The following C10orf90 variants were observed in gnomAD, a reference collection of about 807,000 sequenced individuals.
C10orf90 encodes the protein chromosome 10 open reading frame 90, also known as (E2-independent) E3 ubiquitin-conjugating enzyme FATS.
A neutral mutation model predicts 62.5 loss-of-function variants in C10orf90; 56 were observed. That is an observed-to-expected ratio of 0.90 (90% CI 0.72 to 1.12). The LOEUF (loss-of-function observed/expected upper bound fraction) is 1.12. C10orf90 is among the 50% of genes most tolerant of loss of function. The pLI, the probability that C10orf90 is intolerant of heterozygous loss-of-function variation, is 0.00. For missense variants in C10orf90, 970 were observed against 880.4 expected, an observed-to-expected ratio of 1.10 and a Z score of -1.29; for synonymous variants, 386 against 340.4, an observed-to-expected ratio of 1.13 and a Z score of -1.47.
intron 1 of C10orf90, among the ~76,000 whole-genome samples, chr10:126,668,787 G>A (rs1050252012): frequency 2.6e-5 from 4 of 152,068 alleles, no homozygotes; most frequent in South Asian, 2.1e-4. Flanking sequence ...TTAGTGGCTC[G>A]GTTGTTGGCT....
At chr10:126,467,034 C>T (rs1860325400) in intron 4 of C10orf90, among the ~76,000 whole-genome samples, 1 of 152,226 alleles carries the variant, frequency 6.6e-6, no homozygotes, top group South Asian at 2.1e-4. Flanking sequence ...CAGTCTCAAT[C>T]TGCCAGGTGA....
chr10:126,620,574 T>G (rs1161131121), intron 2 of C10orf90, among the ~76,000 whole-genome samples: 4 of 152,240 alleles, frequency 2.6e-5, no homozygotes, highest in African/African-American at 7.2e-5. Context: ...AATTTGAAAC[T>G]TTTATTTGTA....
intron 2 of C10orf90, among the ~76,000 whole-genome samples, chr10:126,547,570 T>C (rs970458400): frequency 7.2e-6 from 1 of 138,690 alleles, no homozygotes; most frequent in Non-Finnish European, 1.5e-5. Flanking sequence ...GAGAGAGAAA[T>C]TAAAGCAGCT....
At chr10:126,567,533 G>A (rs1011733033) in intron 2 of C10orf90, among the ~76,000 whole-genome samples, 8 of 152,120 alleles carry the variant, frequency 5.3e-5, no homozygotes, top group South Asian at 4.2e-4. Context: ...CCCCACCCCC[G>A]GGAGATTTGC....
intron 7 of C10orf90, among the ~76,000 whole-genome samples, chr10:126,442,478 C>CAT (rs55780866): frequency 0.046 from 1,553 of 33,734 alleles, 131 homozygotes; most frequent in East Asian, 0.078. Flanking sequence ...TTCAATATTT[C>CAT]ATATATATAT....
intron 1 of C10orf90, among the ~76,000 whole-genome samples, chr10:126,662,049 G>A (rs7919176): frequency 0.023 from 3,507 of 150,352 alleles, 119 homozygotes; most frequent in African/African-American, 0.08. Flanking sequence ...GACAGACATT[G>A]TAAATTTTAT....
intron 4 of C10orf90, among the ~76,000 whole-genome samples, chr10:126,487,142 C>CAAAAAAAAAAAAAAAAAAAAAAAAAAAA (rs1158481155): frequency 2.0e-4 from 6 of 29,462 alleles, no homozygotes; most frequent in African/African-American, 4.1e-4. Flanking sequence ...AAAACTCTGT[C>CAAAAAAAAAAAAAAAAAAAAAAAAAAAA]AAAAAAAAAA....
Position 126,503,946 on chromosome 10 carries a change from G to A in C10orf90, c.1534+11C>T, listed in dbSNP as rs377682230. On this transcript the variant is annotated intron_variant, in intron 4 of 9. Coordinates refer to ENST00000488181, the MANE Select transcript of C10orf90 (RefSeq NM_001350921.2). ...TCAGGTCACCCTCCTGCAGATGGAC[G>A]CACCACTCACCTGCCCTGTAACTCC... 22 of 1,599,486 alleles carry A rather than the reference G, an allele frequency of 1.4e-5. 1 individual carries two copies. In the South Asian group the frequency reaches 2.3e-4, roughly 16 times the overall value.
chr10:126,670,126 C>A, intron 1 of C10orf90, 115 bp downstream of exon 1: 1 of 357,770 alleles, frequency 2.8e-6, no homozygotes, highest in East Asian at 7.5e-5. Flanking sequence ...AGTCTACAAA[C>A]ACAAATGATT....
intron 2 of C10orf90, among the ~76,000 whole-genome samples, chr10:126,642,317 G>T (rs1304156791): frequency 6.6e-6 from 1 of 152,118 alleles, no homozygotes; most frequent in East Asian, 1.9e-4. Flanking sequence ...CAGATCACGA[G>T]GTCGGGAGAT....
intron 2 of C10orf90, among the ~76,000 whole-genome samples, chr10:126,624,959 G>T (rs773788492): frequency 1.3e-5 from 2 of 152,284 alleles, no homozygotes. Context: ...CTCAGAGAGC[G>T]GGCAGTCTAT....
At chr10:126,565,171 C>G in intron 2 of C10orf90, among the ~76,000 whole-genome samples, 1 of 61,312 alleles carries the variant, frequency 1.6e-5, no homozygotes, top group African/African-American at 6.2e-5. Flanking sequence ...ATTTATATTA[C>G]ATATTATGTA....
intron 3 of C10orf90, among the ~76,000 whole-genome samples, chr10:126,513,464 A>G (rs1863254793): frequency 6.6e-6 from 1 of 152,020 alleles, no homozygotes; most frequent in African/African-American, 2.4e-5. Context: ...ATGACCTCTA[A>G]TTTTCCTCCC....
chr10:126,442,478 C>CATAT (rs55780866), intron 7 of C10orf90, among the ~76,000 whole-genome samples: 1,490 of 33,772 alleles, frequency 0.044, 203 homozygotes, highest in Non-Finnish European at 0.056. Flanking sequence ...TTCAATATTT[C>CATAT]ATATATATAT....
intron 5 of C10orf90, among the ~76,000 whole-genome samples, chr10:126,463,038 C>A (rs924827307): frequency 1.2e-4 from 18 of 149,560 alleles, no homozygotes; most frequent in East Asian, 6.0e-4. Context: ...TCTCCCAGTG[C>A]CCCTTCAGGC....
chr10:126,654,019 T>C (rs1189326189), intron 1 of C10orf90, among the ~76,000 whole-genome samples: 1 of 152,194 alleles, frequency 6.6e-6, no homozygotes, highest in Non-Finnish European at 1.5e-5. Context: ...AAATAGTCAA[T>C]AAACCATGCT....
chr10:126,616,104 CA>C (rs1845535650), intron 2 of C10orf90, among the ~76,000 whole-genome samples: 1 of 152,230 alleles, frequency 6.6e-6, no homozygotes, highest in Non-Finnish European at 1.5e-5. Context: ...GGCCCCCCAC[CA>C]CCCAAGACCC....
intron 4 of C10orf90, among the ~76,000 whole-genome samples, chr10:126,468,538 C>T (rs866849596): frequency 2.6e-5 from 4 of 152,282 alleles, no homozygotes; most frequent in Middle Eastern, 3.4e-3. Flanking sequence ...GGACTGATCA[C>T]GGTTGGCATC....
intron 2 of C10orf90, among the ~76,000 whole-genome samples, chr10:126,589,025 A>T (rs1330711014): frequency 6.6e-6 from 1 of 152,234 alleles, no homozygotes; most frequent in Non-Finnish European, 1.5e-5. Context: ...GACCTGATGG[A>T]GCTGAAAAAC....
Sources: allele counts gnomAD v4.1 joint callset (sites outside exome capture counted in the v4.1 genomes callset), GRCh38; gene constraint gnomAD v4.1.1; transcripts MANE v1.5; gene names NCBI Gene and HGNC (gene_info 2026-07-23, HGNC 2026-07-21).